Variants in MYO1A observed in about 807,000 individuals in gnomAD.
MYO1A encodes the protein unconventional myosin-Ia.
A neutral mutation model predicts 138.5 loss-of-function variants in MYO1A; 127 were observed. That is an observed-to-expected ratio of 0.92 (90% CI 0.79 to 1.06). The LOEUF (loss-of-function observed/expected upper bound fraction) is 1.06. Among genes scored for constraint, MYO1A ranks in the 50% least tolerant of loss-of-function variants. MYO1A has a pLI of 0.00. For missense variants in MYO1A, 1,211 were observed against 1,288.8 expected, an observed-to-expected ratio of 0.94 and a Z score of 0.92; for synonymous variants, 477 against 497.5, an observed-to-expected ratio of 0.96 and a Z score of 0.55.
In MYO1A at chr12:57,044,228, G is replaced by C. The variant is rs1258326967; in HGVS notation, c.641-19C>G. On this transcript the variant is annotated intron_variant, in intron 8 of 27. Coordinates refer to ENST00000300119, the MANE Select transcript of MYO1A (RefSeq NM_005379.4). The stretch of plus-strand genomic sequence containing the variant: ...AGGGCCTCTGGGAGGGCCAGTGTTG[G>C]GGAAGATGGTTAGTACCCAGGCTCT... 2.5e-6 allele frequency: 4 copies of C among 1,605,464 alleles called. No homozygotes were observed. The highest frequency in any genetic ancestry group is 1.3e-5 in the African/African-American group (1 of 74,920).
chr12:57,031,187 C>T lies in MYO1A; in HGVS notation c.2350-13G>A. On this transcript the variant is annotated splice_polypyrimidine_tract_variant and intron_variant, in intron 22 of 27. Coordinates refer to ENST00000300119, the MANE Select transcript of MYO1A (RefSeq NM_005379.4). The stretch of plus-strand genomic sequence containing the variant: ...GGAATTTCTGTACCTAGTTTGGGAC[C>T]AGGGGGATTGGGAGTGGAGTGATAA... 1 of 1,614,018 alleles carries T rather than the reference C, an allele frequency of 6.2e-7. No homozygotes were observed. Among genetic ancestry groups the T allele is most frequent in the South Asian group, 1.1e-5 (1 of 91,072 alleles).
Position 57,036,392 on chromosome 12 carries a change from A to C in MYO1A, c.2275-11T>G. 1 of 1,613,772 alleles carries C rather than the reference A, an allele frequency of 6.2e-7. No homozygotes were observed. Among genetic ancestry groups the C allele is most frequent in the Non-Finnish European group, 8.5e-7 (1 of 1,179,702 alleles). On this transcript the variant is annotated splice_polypyrimidine_tract_variant and intron_variant, in intron 21 of 27. Coordinates refer to ENST00000300119, the MANE Select transcript of MYO1A (RefSeq NM_005379.4). ...ATAATTCTTTCGGGCCTGGCAGAAA[A>C]GTACAAGAAAGGAGCCAAAGTGAAG...
Position 57,028,675 on chromosome 12 carries a change from T to A in MYO1A, c.*80A>T. 1 of 1,572,886 alleles carries A rather than the reference T, an allele frequency of 6.4e-7. No homozygotes were observed. Among genetic ancestry groups the A allele is most frequent in the Non-Finnish European group, 8.7e-7 (1 of 1,151,500 alleles). On this transcript the variant is annotated 3_prime_UTR_variant, in exon 28 of 28. Transcript: ENST00000300119. Reference sequence around the variant, plus strand: ...GCGCCACGATCAGAGGGGTTAGAGATCCTCCCACACAGGAGGGCAGAGGGG... The same window carrying A: ...GCGCCACGATCAGAGGGGTTAGAGAACCTCCCACACAGGAGGGCAGAGGGG...
chr12:57,038,113 C>T, intron 17 of MYO1A, 44 bp from the exon 18 acceptor site: 1 of 1,599,640 alleles, frequency 6.3e-7, no homozygotes, highest in Non-Finnish European at 8.6e-7. Flanking sequence ...GAGCTGACAT[C>T]ATTGCCAGTG....
chr12:57,039,132 G>GA lies in MYO1A; in HGVS notation c.1332+79dup. On this transcript the variant is annotated intron_variant, in intron 15 of 27. Transcript: ENST00000300119. ...CTCTTTACTGTCCCTACCAAGTGGG[G>GA]AATCAGGGAGAGAGACAGGGGAAGG... The GA allele has an allele frequency of 2.6e-6, 4 of 1,564,136 alleles. No individual in the cohort carries two copies. In the South Asian group the frequency reaches 4.5e-5, roughly 17 times the overall value.
At chr12:57,037,767 A>T in intron 18 of MYO1A, 102 bp downstream of exon 18, 1 of 1,493,848 alleles carries the variant, frequency 6.7e-7, no homozygotes, top group Non-Finnish European at 9.3e-7. Context: ...GTATCCATTC[A>T]CCCAGCTTCA....
Position 57,028,575 on chromosome 12 carries a change from G to T in MYO1A, c.*180C>A. The T allele has an allele frequency of 1.3e-6, 1 of 768,308 alleles. No individual in the cohort carries two copies. The highest frequency in any genetic ancestry group is 2.1e-6 in the Non-Finnish European group (1 of 486,828). The allele number at this position is 768,308 out of a possible 1,614,324, so 47.6% of individuals were successfully genotyped here. ...GCAGAGAGGCTGCGGGTTGGAGGAA[G>T]CTACTTTTGGAGGAGAGAACAAGAA... On this transcript the variant is annotated 3_prime_UTR_variant, in exon 28 of 28. Coordinates refer to ENST00000300119, the MANE Select transcript of MYO1A (RefSeq NM_005379.4).
In MYO1A at chr12:57,037,007, G is replaced by T. The variant is rs373952237; in HGVS notation, c.2140C>A (p.Arg714Ser). The change falls in exon 20 of 28, where the codon CGC (arginine) becomes AGC (serine). Residue 714 changes from arginine (R) to serine (S), a missense_variant. Physicochemically the swap from Arg to Ser is moderately radical, Grantham distance 110 (BLOSUM62 -1). Coordinates refer to ENST00000300119, the MANE Select transcript of MYO1A (RefSeq NM_005379.4). Reference sequence around the variant, plus strand: ...TTTCGCATCAGTTGGTAGTGGGTGCGGCAGCGCCAGCCTCGGTAAATCTTC... The same window carrying T: ...TTTCGCATCAGTTGGTAGTGGGTGCTGCAGCGCCAGCCTCGGTAAATCTTC... Reference protein sequence around the residue: ...IQKIYRGWRCRTHYQLMRKSQ... With the variant: ...IQKIYRGWRCSTHYQLMRKSQ... The T allele has an allele frequency of 6.2e-7, 1 of 1,614,044 alleles. No individual in the cohort carries two copies. Among genetic ancestry groups the T allele is most frequent in the Non-Finnish European group, 8.5e-7 (1 of 1,180,024 alleles).
At chr12:57,036,921 G>C in intron 20 of MYO1A, 21 bp downstream of exon 20, 2 of 1,614,188 alleles carry the variant, frequency 1.2e-6, no homozygotes, top group Non-Finnish European at 1.7e-6. Context: ...GAACAGAGTG[G>C]GACTTTGGGG....
chr12:57,029,325 A>G, intron 26 of MYO1A, 66 bp from the exon 27 acceptor site: 1 of 1,613,386 alleles, frequency 6.2e-7, no homozygotes, highest in Non-Finnish European at 8.5e-7. Flanking sequence ...CCTGAGGGAC[A>G]TCAAAGGCCC....
Position 57,038,424 on chromosome 12 carries a change from G to A in MYO1A, c.1748C>T (p.Pro583Leu). Residue 583 changes from proline (P) to leucine (L), a missense_variant, in exon 17 of 28, where the codon CCC becomes CTC. By Grantham distance (98) the Pro-to-Leu change is moderately conservative. Coordinates refer to ENST00000300119, the MANE Select transcript of MYO1A (RefSeq NM_005379.4). Reference sequence around the variant, plus strand: ...GCCAGCATGTCACCTGATGTAGTTGGGGCTCTTGGAATACAGATTCTTCAT... The same window carrying A: ...GCCAGCATGTCACCTGATGTAGTTGAGGCTCTTGGAATACAGATTCTTCAT... The part of the protein sequence containing the change: ...ILMKNLYSKS[P>L]NYIRCIKPNE... 6.2e-7 allele frequency: 1 copy of A among 1,614,114 alleles called. No individual in the cohort carries two copies. Among genetic ancestry groups the A allele is most frequent in the Non-Finnish European group, 8.5e-7 (1 of 1,180,022 alleles).
chr12:57,041,616 A>T, intron 12 of MYO1A, 119 bp from the exon 13 acceptor site: 1 of 811,842 alleles, frequency 1.2e-6, no homozygotes, highest in South Asian at 1.4e-5. Flanking sequence ...GCTTTGCCAA[A>T]CTGGAAAGGA....
intron 18 of MYO1A, 45 bp downstream of exon 18, chr12:57,037,824 C>T: frequency 6.2e-7 from 1 of 1,602,880 alleles, no homozygotes; most frequent in Non-Finnish European, 8.5e-7. Context: ...GAGATGTTTC[C>T]TGCACTGCCC....
intron 22 of MYO1A, 142 bp from the exon 23 acceptor site, chr12:57,031,316 G>A: frequency 2.9e-6 from 3 of 1,039,912 alleles, no homozygotes; most frequent in Admixed American, 3.8e-5. Context: ...AGATGGAAGG[G>A]AGTCACCTCT....
At chr12:57,031,359 G>A (rs1038714588) in intron 22 of MYO1A, among the ~76,000 whole-genome samples, 185 bp from the exon 23 acceptor site, 3 of 152,188 alleles carry the variant, frequency 2.0e-5, no homozygotes, top group African/African-American at 7.2e-5. Context: ...GCAGGCTTGA[G>A]GCCGGGAGGT....
At chr12:57,030,614 T>C (rs1370357630) in intron 23 of MYO1A, among the ~76,000 whole-genome samples, 1 of 152,056 alleles carries the variant, frequency 6.6e-6, no homozygotes, top group Non-Finnish European at 1.5e-5. Flanking sequence ...ATTTCCTGAA[T>C]AAAAGAACAA....
intron 22 of MYO1A, among the ~76,000 whole-genome samples, chr12:57,034,059 A>G (rs1394404081): frequency 1.3e-5 from 2 of 152,102 alleles, no homozygotes; most frequent in Non-Finnish European, 2.9e-5. Flanking sequence ...TCTTCTTTTT[A>G]TTGTTTGTTC....
intron 12 of MYO1A, among the ~76,000 whole-genome samples, chr12:57,042,391 T>C (rs1456038211): frequency 6.6e-6 from 1 of 152,238 alleles, no homozygotes; most frequent in Non-Finnish European, 1.5e-5. Flanking sequence ...CATCAGTTGA[T>C]GGACATTTGG....
Position 57,046,541 on chromosome 12 carries a change from C to G in MYO1A, c.640+11G>C, listed in dbSNP as rs1162962177. The G allele has an allele frequency of 1.2e-6, 2 of 1,608,224 alleles. No individual in the cohort carries two copies. The highest frequency in any genetic ancestry group is 2.2e-5 in the East Asian group (1 of 44,856). The stretch of plus-strand genomic sequence containing the variant: ...CACTCATGAGGACACTTTCCCCATG[C>G]AGGCACATACTCAGCAGCTGTTCAT... On this transcript the variant is annotated intron_variant, in intron 8 of 27. Transcript: ENST00000300119.
Sources: allele counts gnomAD v4.1 joint callset (sites outside exome capture counted in the v4.1 genomes callset), GRCh38; gene constraint gnomAD v4.1.1; transcripts MANE v1.5; gene names NCBI Gene and HGNC (gene_info 2026-07-23, HGNC 2026-07-21).